The following LRTM1 variants were observed in gnomAD, a reference collection of about 807,000 sequenced individuals.
LRTM1 encodes leucine rich repeat transmembrane protein 1.
LRTM1 carries 38 observed loss-of-function variants against 32.4 expected under a neutral mutation model. That is an observed-to-expected ratio of 1.17 (90% CI 0.91 to 1.54). LRTM1 has a LOEUF of 1.54. Among genes scored for constraint, LRTM1 ranks in the 40% most tolerant of loss-of-function variants. The probability of loss-of-function intolerance (pLI) is 0.00; values close to 1 mark genes in which losing one functional copy is unlikely to be tolerated. For synonymous variants in LRTM1, 186 were observed against 169.9 expected, an observed-to-expected ratio of 1.09 and a Z score of -0.74; for missense variants, 466 against 415.4, an observed-to-expected ratio of 1.12 and a Z score of -1.06.
At chr3:54,935,591 C>A (rs1015266533) in intron 1 of LRTM1, among the ~76,000 whole-genome samples, 3 of 152,166 alleles carry the variant, frequency 2.0e-5, no homozygotes, top group Admixed American at 2.0e-4. Flanking sequence ...AAATTGGAAT[C>A]AAATTCATGT....
At chr3:54,933,049 C>A (rs1046106563), upstream of LRTM1, among the ~76,000 whole-genome samples, 21 of 135,366 alleles carry the variant, frequency 1.6e-4, no homozygotes, top group Admixed American at 4.3e-4. Flanking sequence ...CCATCCATCC[C>A]TCCCTTCCTT....
At chr3:54,951,424 C>T (rs4955910) in intron 1 of LRTM1, among the ~76,000 whole-genome samples, 79,416 of 152,120 alleles carry the variant, frequency 0.52, 21,258 homozygotes, top group East Asian at 0.77. Flanking sequence ...AAGCCATCGA[C>T]ACCATTAGGG....
intron 1 of LRTM1, among the ~76,000 whole-genome samples, chr3:54,958,524 G>A (rs1701957548): frequency 6.6e-6 from 1 of 152,202 alleles, no homozygotes. Context: ...GCATTTTGGA[G>A]TCTGGGCAGG....
rs1559628939 is a variant in LRTM1, at chr3:54,918,818, C to G, written c.679G>C (p.Glu227Gln). The stretch of plus-strand genomic sequence containing the variant: ...GGAAGAGGGCAGGGCTGGTACAGCT[C>G]ATGAGGGATCCTAAGGAGGTCCTTT... Reference protein sequence around the residue: ...KGKDLLRIPHELYQPCPLPAP... With the variant: ...KGKDLLRIPHQLYQPCPLPAP... Residue 227 changes from glutamate to glutamine, a missense_variant, in exon 3 of 3, where the codon GAG becomes CAG. Physicochemically the swap from Glu to Gln is conservative, Grantham distance 29 (BLOSUM62 2). Coordinates refer to ENST00000273286, the MANE Select transcript of LRTM1 (RefSeq NM_020678.4). 3.7e-6 allele frequency: 6 copies of G among 1,610,796 alleles called. No individual in the cohort carries two copies. In the South Asian group the frequency reaches 6.6e-5, roughly 18 times the overall value.
At chr3:54,920,871 G>T (rs756213870) in intron 2 of LRTM1, among the ~76,000 whole-genome samples, 1 of 152,162 alleles carries the variant, frequency 6.6e-6, no homozygotes, top group African/African-American at 2.4e-5. Context: ...TCCAGTTCCA[G>T]ACTTTCTGTT....
chr3:54,925,974 C>T (rs960465339), intron 1 of LRTM1, among the ~76,000 whole-genome samples: 1 of 152,092 alleles, frequency 6.6e-6, no homozygotes, highest in Non-Finnish European at 1.5e-5. Context: ...AATAAATACC[C>T]ATTTTCTATA....
intron 1 of LRTM1, among the ~76,000 whole-genome samples, chr3:54,926,520 A>G (rs1489642423): frequency 7.6e-6 from 1 of 131,272 alleles, no homozygotes; most frequent in Non-Finnish European, 1.6e-5. Flanking sequence ...ACACACACAC[A>G]CACACACACA....
At chr3:54,934,451 A>G (rs1405427304) in intron 1 of LRTM1, among the ~76,000 whole-genome samples, 1 of 152,132 alleles carries the variant, frequency 6.6e-6, no homozygotes, top group Non-Finnish European at 1.5e-5. Flanking sequence ...AGGTTCAAGG[A>G]ATGCCTAGGA....
intron 2 of LRTM1, among the ~76,000 whole-genome samples, chr3:54,919,693 T>G (rs2106927043): frequency 6.6e-6 from 1 of 152,380 alleles, no homozygotes; most frequent in Middle Eastern, 3.4e-3. Context: ...ATTTACTCTT[T>G]GACTTTGGGA....
intron 1 of LRTM1, among the ~76,000 whole-genome samples, chr3:54,958,394 A>G (rs910505910): frequency 1.3e-4 from 19 of 151,990 alleles, no homozygotes; most frequent in African/African-American, 4.3e-4. Context: ...CCCCACCTCT[A>G]TTTTTTTAAA....
chr3:54,920,775 C>A (rs1274254793), intron 2 of LRTM1, among the ~76,000 whole-genome samples: 1 of 152,168 alleles, frequency 6.6e-6, no homozygotes, highest in Non-Finnish European at 1.5e-5. Context: ...AGACCACCTG[C>A]CAGGGGGATG....
intron 1 of LRTM1, among the ~76,000 whole-genome samples, chr3:54,939,367 G>A (rs944438257): frequency 1.3e-5 from 2 of 152,198 alleles, no homozygotes; most frequent in African/African-American, 4.8e-5. Context: ...TCATCTGCCG[G>A]ACTTCAAAGC....
intron 2 of LRTM1, among the ~76,000 whole-genome samples, chr3:54,922,440 C>T (rs1422926657): frequency 6.6e-6 from 1 of 151,860 alleles, no homozygotes; most frequent in Non-Finnish European, 1.5e-5. Flanking sequence ...TACCTGTAGA[C>T]GTAAACAATT....
chr3:54,945,052 A>G (rs1701578572), intron 1 of LRTM1, among the ~76,000 whole-genome samples: 1 of 152,114 alleles, frequency 6.6e-6, no homozygotes, highest in Non-Finnish European at 1.5e-5. Context: ...AGATGACAGT[A>G]ATTCTAGGCC....
chr3:54,918,564 G>A lies in LRTM1; in HGVS notation c.933C>T (p.Cys311=). 6.2e-7 allele frequency: 1 copy of A among 1,614,058 alleles called. No homozygotes were observed. Among genetic ancestry groups the A allele is most frequent in the African/African-American group, 1.3e-5 (1 of 74,998 alleles). The change falls in exon 3 of 3, where the codon TGC becomes TGT. Residue 311 remains cysteine, a synonymous_variant. Coordinates refer to ENST00000273286, the MANE Select transcript of LRTM1 (RefSeq NM_020678.4). ...ACTGGGCTGTGATTGCCGCATAGGT[G>A]CAGCCATAGATGGCAGCTGCCAACA... ...LMMLAAAIYG[C]TYAAITAQYH... is the part of the protein sequence containing the mutation.
intron 1 of LRTM1, among the ~76,000 whole-genome samples, chr3:54,941,239 CAG>C (rs1197249078): frequency 2.6e-5 from 4 of 152,116 alleles, no homozygotes; most frequent in Non-Finnish European, 2.9e-5. Context: ...AGTAAAAAAA[CAG>C]GGGCATATAG....
intron 1 of LRTM1, among the ~76,000 whole-genome samples, chr3:54,951,795 A>G (rs923159158): frequency 6.6e-6 from 1 of 152,218 alleles, no homozygotes; most frequent in South Asian, 2.1e-4. Context: ...TTCCTGGCCC[A>G]GAGTGGGCCC....
At chr3:54,919,067 G>A (rs541057412) in intron 2 of LRTM1, among the ~76,000 whole-genome samples, 175 bp from the exon 3 acceptor site, 2 of 151,758 alleles carry the variant, frequency 1.3e-5, no homozygotes, top group South Asian at 4.2e-4. Context: ...TCCTAAATTG[G>A]CTAAATACTA....
chr3:54,924,853 G>C lies in LRTM1; in HGVS notation c.370C>G (p.Leu124Val). 6.2e-7 allele frequency: 1 copy of C among 1,613,966 alleles called. No individual in the cohort carries two copies. Among genetic ancestry groups the C allele is most frequent in the Non-Finnish European group, 8.5e-7 (1 of 1,179,890 alleles). The change falls in exon 2 of 3, where the codon CTG (leucine) becomes GTG (valine). Residue 124 changes from leucine (L) to valine (V), a missense_variant. Physicochemically the swap from Leu to Val is conservative, Grantham distance 32 (BLOSUM62 1). Transcript: ENST00000273286. ...ESRLFHSLPQLRELDLSSNNI... is the reference protein window; with the variant it reads ...ESRLFHSLPQVRELDLSSNNI... Reference sequence around the variant, plus strand: ...TTTGATGACAAATCAAGCTCCCTCAGCTGAGGGAGGGAATGGAAAAGTCTG... The same window carrying C: ...TTTGATGACAAATCAAGCTCCCTCACCTGAGGGAGGGAATGGAAAAGTCTG...
Sources: gnomAD v4.1 joint callset for allele counts (sites outside exome capture counted in the v4.1 genomes callset) on GRCh38, gnomAD v4.1.1 for gene constraint, MANE v1.5 for transcripts, NCBI Gene and HGNC (gene_info 2026-07-23, HGNC 2026-07-21) for gene names.